The following STK3 variants were observed in gnomAD, a reference collection of about 807,000 sequenced individuals.
The protein encoded by STK3 is serine/threonine-protein kinase 3.
STK3 carries 41 observed loss-of-function variants against 58.0 expected under a neutral mutation model. That is an observed-to-expected ratio of 0.71 (90% CI 0.55 to 0.92). The LOEUF is 0.92. STK3 is among the 40% of genes least tolerant of loss of function. The pLI, the probability that STK3 is intolerant of heterozygous loss-of-function variation, is 0.00. For missense variants in STK3, 479 were observed against 602.7 expected (o/e 0.79, Z 2.15); for synonymous variants, 170 against 191.0 (o/e 0.89, Z 0.91).
chr8:98,567,436 T>C (rs1812580893), intron 8 of STK3, among the ~76,000 whole-genome samples: 1 of 152,100 alleles, frequency 6.6e-6, no homozygotes, highest in Non-Finnish European at 1.5e-5. Flanking sequence ...GAGCTTAAGC[T>C]ATCCACCTGC....
chr8:98,892,246 T>C (rs1480693933), intron 1 of STK3, among the ~76,000 whole-genome samples: 1 of 152,164 alleles, frequency 6.6e-6, no homozygotes, highest in Non-Finnish European at 1.5e-5. Flanking sequence ...CTCTGTCCCT[T>C]TATCTTCATT....
At chr8:98,746,440 T>C (rs1829646626) in intron 4 of STK3, among the ~76,000 whole-genome samples, 1 of 151,948 alleles carries the variant, frequency 6.6e-6, no homozygotes, top group Non-Finnish European at 1.5e-5. Flanking sequence ...AGTGAGACCC[T>C]ATCTCTTCAA....
At chr8:98,549,283 A>T (rs72666638) in intron 8 of STK3, among the ~76,000 whole-genome samples, 4,514 of 152,262 alleles carry the variant, frequency 0.03, 97 homozygotes, top group South Asian at 0.061. Flanking sequence ...TTCCATTTTT[A>T]AAAAATAATA....
chr8:98,589,853 C>T (rs1188484747), intron 7 of STK3, among the ~76,000 whole-genome samples: 5 of 152,318 alleles, frequency 3.3e-5, no homozygotes, highest in Middle Eastern at 3.4e-3. Flanking sequence ...TGGGAGTGGC[C>T]TGATTTTCCA....
At chr8:98,447,884 A>G (rs963757467) in intron 1 of STK3, among the ~76,000 whole-genome samples, 1 of 148,988 alleles carries the variant, frequency 6.7e-6, no homozygotes, top group Admixed American at 6.7e-5. Context: ...CTGAAATTGA[A>G]ATAATTTTAC....
At chr8:98,730,337 C>T (rs1168883504) in intron 4 of STK3, among the ~76,000 whole-genome samples, 2 of 152,148 alleles carry the variant, frequency 1.3e-5, no homozygotes, top group African/African-American at 4.8e-5. Context: ...CTCACACCCA[C>T]CCAATATTAC....
At chr8:98,403,540 C>G (rs1390698832) in intron 3 of STK3, among the ~76,000 whole-genome samples, 1 of 152,122 alleles carries the variant, frequency 6.6e-6, no homozygotes, top group Admixed American at 6.5e-5. Flanking sequence ...TGGAATTATC[C>G]CCCATCTCCC....
intron 1 of STK3, among the ~76,000 whole-genome samples, chr8:98,899,563 T>C (rs1838580736): frequency 6.6e-6 from 1 of 152,186 alleles, no homozygotes; most frequent in Non-Finnish European, 1.5e-5. Flanking sequence ...TGGGAAGATA[T>C]GCATAGGTTA....
intron 9 of STK3, among the ~76,000 whole-genome samples, chr8:98,527,592 C>T (rs1046880379): frequency 2.6e-5 from 4 of 151,902 alleles, no homozygotes; most frequent in African/African-American, 4.8e-5. Flanking sequence ...TGCACTCCAG[C>T]CTGGGCAACA....
At chr8:98,884,155 A>G (rs1484662859) in intron 1 of STK3, among the ~76,000 whole-genome samples, 1 of 152,014 alleles carries the variant, frequency 6.6e-6, no homozygotes, top group African/African-American at 2.4e-5. Flanking sequence ...CAGTAATGCC[A>G]TTGATAAGTT....
At chr8:98,656,671 G>A (rs146710756) in intron 6 of STK3, among the ~76,000 whole-genome samples, 2,493 of 151,834 alleles carry the variant, frequency 0.016, 24 homozygotes, top group Non-Finnish European at 0.025. Flanking sequence ...TAATTAGTGC[G>A]TCCTTTTTAT....
chr8:98,786,641 T>C (rs1832476051), intron 1 of STK3, among the ~76,000 whole-genome samples: 1 of 152,156 alleles, frequency 6.6e-6, no homozygotes, highest in African/African-American at 2.4e-5. Flanking sequence ...TACAGGATTA[T>C]GTAAAGCGAT....
intron 3 of STK3, among the ~76,000 whole-genome samples, chr8:98,420,301 C>T (rs7842141): frequency 0.91 from 138,482 of 152,178 alleles, 63,251 homozygotes; most frequent in Admixed American, 0.95. Flanking sequence ...AGATCAACTG[C>T]CTCAGGGCCA....
intron 2 of STK3, among the ~76,000 whole-genome samples, chr8:98,767,999 A>C (rs574908683): frequency 1.2e-4 from 18 of 152,346 alleles, no homozygotes; most frequent in Admixed American, 4.6e-4. Flanking sequence ...ACTTGCCCAA[A>C]ACCTGTCTCT....
chr8:98,777,429 G>A (rs2012079921), intron 1 of STK3, among the ~76,000 whole-genome samples: 1 of 152,068 alleles, frequency 6.6e-6, no homozygotes, highest in South Asian at 2.1e-4. Flanking sequence ...TTGGGAGACT[G>A]AGCCTGGGAG....
chr8:98,545,554 G>A (rs1810633751), intron 9 of STK3, among the ~76,000 whole-genome samples: 1 of 152,032 alleles, frequency 6.6e-6, no homozygotes, highest in Non-Finnish European at 1.5e-5. Flanking sequence ...CCTTTCTAGA[G>A]GTAAGGAAAA....
At chr8:98,508,091 T>C (rs1824232704) in intron 10 of STK3, among the ~76,000 whole-genome samples, 1 of 152,200 alleles carries the variant, frequency 6.6e-6, no homozygotes, top group African/African-American at 2.4e-5. Context: ...TCTGGTTTAT[T>C]TGTTGCTATA....
At chr8:98,737,012 T>C (rs774263536) in intron 4 of STK3, among the ~76,000 whole-genome samples, 2 of 152,230 alleles carry the variant, frequency 1.3e-5, no homozygotes, top group Non-Finnish European at 2.9e-5. Flanking sequence ...AACAGGATTA[T>C]GCTGTCACAA....
intron 6 of STK3, among the ~76,000 whole-genome samples, chr8:98,618,062 CAA>C (rs749750058): frequency 4.0e-5 from 6 of 151,570 alleles, no homozygotes; most frequent in Non-Finnish European, 7.4e-5. Flanking sequence ...CAAAAATCCT[CAA>C]TAAAATACTG....
Sources: allele counts gnomAD v4.1 joint callset (sites outside exome capture counted in the v4.1 genomes callset), GRCh38; gene constraint gnomAD v4.1.1; transcripts MANE v1.5; gene names NCBI Gene and HGNC (gene_info 2026-07-23, HGNC 2026-07-21).